Variants in DENND5A observed in about 807,000 individuals in gnomAD.
DENND5A encodes the protein DENN domain containing 5A.
A neutral mutation model predicts 140.3 loss-of-function variants in DENND5A; 64 were observed. The observed-to-expected ratio is 0.46, with a 90% CI of 0.37 to 0.56. The LOEUF (loss-of-function observed/expected upper bound fraction) is 0.56, where lower values mean the gene tolerates loss of function less well. DENND5A is among the 20% of genes least tolerant of loss of function. DENND5A has a pLI of 0.00. For synonymous variants in DENND5A, 605 were observed against 607.7 expected, an observed-to-expected ratio of 1.00 and a Z score of 0.07; for missense variants, 1,292 against 1,593.8, an observed-to-expected ratio of 0.81 and a Z score of 3.22.
rs570637906 is a variant in DENND5A at position 9,244,217 on chromosome 11, T to C, written c.109+20744A>G. ...ATGATACTCCTAAATTTCTATTGTA[T>C]TTCTGCTGTGGTTTAAATGTGTCCT... is the stretch of plus-strand genomic sequence containing the variant. On this transcript the variant is annotated intron_variant, in intron 1 of 22. Transcript: ENST00000328194. 9.2e-4 allele frequency among the ~76,000 whole-genome samples: 140 copies of C among 152,316 alleles called. 1 individual carries two copies. The highest frequency in any genetic ancestry group is 3.1e-3 in the African/African-American group (130 of 41,568).
chr11:9,223,736 A>C (rs964987308), intron 1 of DENND5A, among the ~76,000 whole-genome samples: 36 of 152,256 alleles, frequency 2.4e-4, no homozygotes, highest in African/African-American at 8.2e-4. Flanking sequence ...GTAACATCTG[A>C]CAGTGGTACC....
chr11:9,237,475 G>GT (rs1195657258), intron 1 of DENND5A, among the ~76,000 whole-genome samples: 3 of 152,142 alleles, frequency 2.0e-5, no homozygotes, highest in African/African-American at 7.2e-5. Flanking sequence ...CAGAAAAGCG[G>GT]TAACACTTTA....
intron 1 of DENND5A, among the ~76,000 whole-genome samples, chr11:9,212,634 A>AT (rs1849924372): frequency 7.2e-6 from 1 of 139,494 alleles, no homozygotes; most frequent in Non-Finnish European, 1.5e-5. Flanking sequence ...CAAGTACTGA[A>AT]AAAAAAACAC....
chr11:9,170,809 C>G (rs775798874), intron 8 of DENND5A, 32 bp from the exon 9 acceptor site: 1 of 1,611,648 alleles, frequency 6.2e-7, no homozygotes, highest in Admixed American at 1.7e-5. Flanking sequence ...CACACACACA[C>G]ACACACACAT....
chr11:9,252,370 C>T (rs1430851775), intron 1 of DENND5A, among the ~76,000 whole-genome samples: 3 of 151,502 alleles, frequency 2.0e-5, no homozygotes, highest in Non-Finnish European at 4.4e-5. Context: ...TGAATTCGGC[C>T]AGGTGCAGTG....
At chr11:9,176,492 C>T (rs567743625) in intron 8 of DENND5A, among the ~76,000 whole-genome samples, 1 of 152,274 alleles carries the variant, frequency 6.6e-6, no homozygotes, top group African/African-American at 2.4e-5. Context: ...AACAAAAGGA[C>T]ATGTTCAATC....
At chr11:9,205,219 GT>G (rs1849655393) in intron 3 of DENND5A, among the ~76,000 whole-genome samples, 1 of 152,106 alleles carries the variant, frequency 6.6e-6, no homozygotes, top group Admixed American at 6.6e-5. Context: ...AAGATGTACT[GT>G]TTTCACTCTA....
Position 9,149,953 on chromosome 11 carries a change from C to T in DENND5A, c.2735+128G>A, listed in dbSNP as rs1847557190. Reference sequence around the variant, plus strand: ...AGAAGAGGAAATACTGCAAAACCTTCATAAGCAAAGAGGTTAGCTGAATGC... The same window carrying T: ...AGAAGAGGAAATACTGCAAAACCTTTATAAGCAAAGAGGTTAGCTGAATGC... On this transcript the variant is annotated intron_variant, in intron 15 of 22. Transcript: ENST00000328194. 5 of 1,303,906 alleles carry T rather than the reference C, an allele frequency of 3.8e-6. 1 individual carries two copies. In the South Asian group the frequency reaches 8.1e-5, roughly 21 times the overall value. The allele number at this position is 1,303,906 out of a possible 1,614,324, so 80.8% of individuals were successfully genotyped here.
intron 1 of DENND5A, among the ~76,000 whole-genome samples, chr11:9,221,065 G>A (rs927163640): frequency 2.6e-5 from 4 of 151,980 alleles, no homozygotes; most frequent in Non-Finnish European, 5.9e-5. Flanking sequence ...CTGGATGAGA[G>A]AGCAAGACAC....
intron 11 of DENND5A, 85 bp from the exon 12 acceptor site, chr11:9,160,950 T>C (rs957919412): frequency 3.0e-6 from 4 of 1,351,206 alleles, no homozygotes; most frequent in East Asian, 2.3e-5. Context: ...GCCTGCACAG[T>C]ACATCTGTTG....
At chr11:9,256,306 A>G (rs1364461043) in intron 1 of DENND5A, among the ~76,000 whole-genome samples, 1 of 152,072 alleles carries the variant, frequency 6.6e-6, no homozygotes, top group Non-Finnish European at 1.5e-5. Flanking sequence ...CTAAAAATAC[A>G]AAAATTAGCT....
At position 9,159,509 on chromosome 11, in the gene DENND5A, G is replaced by A. The variant is rs544072312; in HGVS notation, c.2436+1204C>T. 3.3e-5 allele frequency among the ~76,000 whole-genome samples: 5 copies of A among 151,908 alleles called. No homozygotes were observed. The South Asian group carries it at 1.0e-3, about 32-fold the overall frequency. ...AATTTTGTATTTTTGGTAGAGACGGGGTTTCACCATGTTGATCAAGCTGGT... is the reference window on the plus strand; with the variant it reads ...AATTTTGTATTTTTGGTAGAGACGGAGTTTCACCATGTTGATCAAGCTGGT... On this transcript the variant is annotated intron_variant, in intron 12 of 22. Coordinates refer to ENST00000328194, the MANE Select transcript of DENND5A (RefSeq NM_015213.4).
intron 8 of DENND5A, chr11:9,176,745 G>T: frequency 2.8e-6 from 1 of 354,220 alleles, no homozygotes; most frequent in Non-Finnish European, 5.6e-6. Flanking sequence ...TGCTAGGTTT[G>T]TGTGGCAAAT....
intron 1 of DENND5A, among the ~76,000 whole-genome samples, chr11:9,249,227 CAA>C (rs879792718): frequency 2.2e-5 from 3 of 134,072 alleles, no homozygotes; most frequent in Non-Finnish European, 1.6e-5. Context: ...GACTCCGACT[CAA>C]AAAAAAAAAG....
chr11:9,230,145 G>A (rs1264055768), intron 1 of DENND5A, among the ~76,000 whole-genome samples: 2 of 149,730 alleles, frequency 1.3e-5, no homozygotes, highest in East Asian at 2.0e-4. Context: ...TCCTGACCTC[G>A]TGATCCACCC....
At chr11:9,139,880 A>G in intron 22 of DENND5A, 26 bp from the exon 23 acceptor site, 1 of 1,608,484 alleles carries the variant, frequency 6.2e-7, no homozygotes, top group Non-Finnish European at 8.5e-7. Flanking sequence ...CAGTCCAGGC[A>G]GGTCAGAGGG....
At chr11:9,181,323 A>G (rs147434249) in intron 5 of DENND5A, among the ~76,000 whole-genome samples, 143 of 152,292 alleles carry the variant, frequency 9.4e-4, no homozygotes, top group Middle Eastern at 6.8e-3. Flanking sequence ...CTATTTCCTT[A>G]GCTGTAAAAT....
At chr11:9,262,587 C>T (rs569279526) in intron 1 of DENND5A, among the ~76,000 whole-genome samples, 2 of 152,224 alleles carry the variant, frequency 1.3e-5, no homozygotes, top group East Asian at 3.9e-4. Context: ...CCTCTGAGGT[C>T]CCTTCCAACA....
At chr11:9,164,046 T>C (rs776815609) in intron 11 of DENND5A, among the ~76,000 whole-genome samples, 36 of 141,028 alleles carry the variant, frequency 2.6e-4, no homozygotes, top group Non-Finnish European at 5.0e-4. Flanking sequence ...AGTACTGATA[T>C]ATTAATCAGG....
Sources: gnomAD v4.1 joint callset for allele counts (sites outside exome capture counted in the v4.1 genomes callset) on GRCh38, gnomAD v4.1.1 for gene constraint, MANE v1.5 for transcripts, NCBI Gene and HGNC (gene_info 2026-07-23, HGNC 2026-07-21) for gene names.